Variants in FBN3 observed in about 807,000 individuals in gnomAD.
The protein encoded by FBN3 is fibrillin 3, also known as fibrillin-3.
In FBN3, 234 loss-of-function variants were observed where a neutral mutation model predicts 330.1. The observed-to-expected ratio is 0.71, with a 90% CI of 0.64 to 0.79. The LOEUF (loss-of-function observed/expected upper bound fraction) is 0.79. Among genes scored for constraint, FBN3 ranks in the 30% least tolerant of loss-of-function variants. The pLI is 0.00. For missense variants in FBN3, 3,606 were observed against 3,886.9 expected, an observed-to-expected ratio of 0.93 and a Z score of 1.92; for synonymous variants, 1,458 against 1,517.3, an observed-to-expected ratio of 0.96 and a Z score of 0.91.
intron 10 of FBN3, among the ~76,000 whole-genome samples, chr19:8,137,039 C>CCAACCTGGGGCCTA (rs2083300612): frequency 1.0e-5 from 1 of 99,232 alleles, no homozygotes; most frequent in African/African-American, 4.1e-5. Flanking sequence ...ACTGGCACCT[C>CCAACCTGGGGCCTA]GATCCCTTCA....
intron 62 of FBN3, among the ~76,000 whole-genome samples, chr19:8,072,709 C>A (rs1217135804): frequency 7.4e-6 from 1 of 135,890 alleles, no homozygotes; most frequent in Non-Finnish European, 1.5e-5. Flanking sequence ...CACACTGGGA[C>A]ATGCGCGCGT....
intron 59 of FBN3, among the ~76,000 whole-genome samples, chr19:8,080,195 C>T (rs970028034): frequency 2.0e-5 from 3 of 152,242 alleles, no homozygotes; most frequent in African/African-American, 7.2e-5. Flanking sequence ...GTTTGCCACC[C>T]TTTGGTCTAG....
Position 8,085,485 on chromosome 19 carries a change from G to A in FBN3, c.6965C>T (p.Ala2322Val), listed in dbSNP as rs2081920795. The A allele has an allele frequency of 1.9e-6, 3 of 1,591,450 alleles. No individual in the cohort carries two copies. Among genetic ancestry groups the A allele is most frequent in the African/African-American group, 2.7e-5 (2 of 74,654 alleles). ...LSSSSEAVTR[A>V]ECCCGGGRGW... ...CCGGCCACCCCCACAGCAGCACTCGGCCCTGGTGACAGCCTCACTGCTGCT... is the reference window on the plus strand; with the variant it reads ...CCGGCCACCCCCACAGCAGCACTCGACCCTGGTGACAGCCTCACTGCTGCT... The change falls in exon 56 of 64, where the codon GCC (alanine) becomes GTC (valine). Residue 2322 changes from alanine to valine, a missense_variant. Ala to Val is a moderately conservative substitution (Grantham distance 64, BLOSUM62 0). Coordinates refer to ENST00000600128, the MANE Select transcript of FBN3 (RefSeq NM_032447.5).
At chr19:8,067,217 C>G (rs780591814) in intron 63 of FBN3, among the ~76,000 whole-genome samples, 29 of 151,618 alleles carry the variant, frequency 1.9e-4, no homozygotes, top group Non-Finnish European at 3.8e-4. Flanking sequence ...CCTCTGCCTC[C>G]TGGGTTCAAG....
chr19:8,065,562 C>T lies in FBN3; in HGVS notation c.*357G>A, dbSNP rs1456158600. The T allele has an allele frequency of 4.0e-6, 1 of 251,130 alleles. No individual in the cohort carries two copies. The highest frequency in any genetic ancestry group is 7.5e-6 in the Non-Finnish European group (1 of 132,786). 15.6% of individuals were successfully genotyped at this position (251,130 alleles called of 1,614,324 possible). On this transcript the variant is annotated 3_prime_UTR_variant, in exon 64 of 64. Transcript: ENST00000600128. ...CCACCCCAGTTGCCCATTGCCATGTCCTGCCAACCCCCTGCCCCCCGCCAG... is the reference window on the plus strand; with the variant it reads ...CCACCCCAGTTGCCCATTGCCATGTTCTGCCAACCCCCTGCCCCCCGCCAG...
chr19:8,084,690 G>A (rs1318893111), intron 56 of FBN3, among the ~76,000 whole-genome samples: 1 of 151,384 alleles, frequency 6.6e-6, no homozygotes, highest in African/African-American at 2.4e-5. Context: ...GGATTCAAGG[G>A]ATTCTCCTGC....
chr19:8,112,597 C>T (rs1568412996), intron 30 of FBN3, among the ~76,000 whole-genome samples: 3 of 152,160 alleles, frequency 2.0e-5, no homozygotes, highest in Admixed American at 2.0e-4. Context: ...TTGCAGTGAG[C>T]AGAGGTTGTG....
rs761378745 is a variant in FBN3 at position 8,080,987 on chromosome 19, G to A, written c.7453+16C>T. On this transcript the variant is annotated intron_variant, in intron 59 of 63. Transcript: ENST00000600128. ...GGTCATGGGTCACCTCCCGGTGAGG[G>A]GCAAGGGTCACTCACCGAAGCAGGC... 3 of 1,574,460 alleles carry A rather than the reference G, an allele frequency of 1.9e-6. No homozygotes were observed. In the African/African-American group the frequency reaches 4.1e-5, roughly 21 times the overall value.
In FBN3 at chr19:8,138,473, A is replaced by G. The variant is rs149861063; in HGVS notation, c.957T>C (p.Cys319=). The G allele has an allele frequency of 5.0e-6, 8 of 1,613,458 alleles. No homozygotes were observed. The highest frequency in any genetic ancestry group is 5.9e-6 in the Non-Finnish European group (7 of 1,180,014). ...AGHYTRRQCC[C]DRGRCWAAGP... ...CAGCTGCCCAGCACCTGCCCCTGTC[A>G]CAGCAGCACTGCCTGCGAGTGTAGT... is the stretch of plus-strand genomic sequence containing the variant. The change falls in exon 9 of 64, where the codon TGT becomes TGC. Residue 319 remains cysteine, a synonymous_variant. Coordinates refer to ENST00000600128, the MANE Select transcript of FBN3 (RefSeq NM_032447.5).
At chr19:8,077,603 C>A (rs1599272612) in intron 59 of FBN3, among the ~76,000 whole-genome samples, 1 of 152,160 alleles carries the variant, frequency 6.6e-6, no homozygotes, top group East Asian at 1.9e-4. Context: ...CACGCCCCTG[C>A]GCTCCAGCCT....
intron 63 of FBN3, among the ~76,000 whole-genome samples, chr19:8,067,436 T>C (rs1425086175): frequency 2.6e-5 from 4 of 152,132 alleles, no homozygotes; most frequent in African/African-American, 7.2e-5. Context: ...AAGGCCAGGA[T>C]TTTGAGGTCA....
At position 8,117,275 on chromosome 19, in the gene FBN3, C is replaced by A; in HGVS notation, c.3480G>T (p.Arg1160=). 6.2e-7 allele frequency: 1 copy of A among 1,613,834 alleles called. No homozygotes were observed. The highest frequency in any genetic ancestry group is 8.5e-7 in the Non-Finnish European group (1 of 1,179,940). ...RQGCVDINEC[R]VQNGGCDVHC... is the part of the protein sequence containing the mutation. ...GCACGTCACACCCACCATTCTGGAC[C>A]CGGCATTCGTTGATGTCTGCAGGAT... Residue 1160 remains arginine (R), a synonymous_variant, in exon 28 of 64, where the codon CGG becomes CGT. Coordinates refer to ENST00000600128, the MANE Select transcript of FBN3 (RefSeq NM_032447.5).
In FBN3 at chr19:8,136,411, T is replaced by C; in HGVS notation, c.1322A>G (p.Gln441Arg). Reference sequence around the variant, plus strand: ...ACCAATGCACTCGCCGCGCACGTCCTGGGTGTAGCCCACGTTACACTCGCA... The same window carrying C: ...ACCAATGCACTCGCCGCGCACGTCCCGGGTGTAGCCCACGTTACACTCGCA... ...YRCECNVGYT[Q>R]DVRGECIDVD... is the part of the protein sequence containing the mutation. Residue 441 changes from glutamine to arginine, a missense_variant, in exon 11 of 64, where the codon CAG becomes CGG. Transcript: ENST00000600128. 1 of 1,614,112 alleles carries C rather than the reference T, an allele frequency of 6.2e-7. No individual in the cohort carries two copies. Among genetic ancestry groups the C allele is most frequent in the Non-Finnish European group, 8.5e-7 (1 of 1,180,000 alleles).
rs7247560 is a variant in FBN3, at chr19:8,121,379, G to A, written c.3090C>T (p.Asp1030=). Residue 1030 remains aspartate, a synonymous_variant, in exon 25 of 64, where the codon GAC becomes GAT. Coordinates refer to ENST00000600128, the MANE Select transcript of FBN3 (RefSeq NM_032447.5). This position sits in a 1 kb window ranked among gnomAD's most constrained non-coding sequence, Gnocchi z 4.5. ...AGAGGTCAGGAGAGATGCGACACTC[G>A]TCGATATCTGTGGGGAGAGGGGGCA... The part of the protein sequence containing the change: ...DAQERNCTDI[D]ECRISPDLCG... 22,976 of 1,592,316 alleles carry A rather than the reference G, an allele frequency of 0.014. 204 individuals carry two copies. Among genetic ancestry groups the A allele is most frequent in the Non-Finnish European group, 0.016 (19,320 of 1,172,048 alleles).
intron 28 of FBN3, 109 bp downstream of exon 28, chr19:8,117,060 C>A: frequency 2.0e-6 from 3 of 1,494,026 alleles, no homozygotes; most frequent in Non-Finnish European, 2.7e-6. Flanking sequence ...TGCCTCGGGT[C>A]TGGCTGGCTT....
In FBN3 at chr19:8,145,862, T is replaced by C; in HGVS notation, c.426A>G (p.Thr142=). 1 of 1,551,062 alleles carries C rather than the reference T, an allele frequency of 6.4e-7. No individual in the cohort carries two copies. The highest frequency in any genetic ancestry group is 8.7e-7 in the Non-Finnish European group (1 of 1,146,884). The change falls in exon 5 of 64, where the codon ACA becomes ACG. Residue 142 remains threonine (T), a synonymous_variant. Coordinates refer to ENST00000600128, the MANE Select transcript of FBN3 (RefSeq NM_032447.5). ...GASCLCQKGY[T]GTVCGQPICD... is the part of the protein sequence containing the mutation. ...ACTCACGCTGCCCACACACGGTGCC[T>C]GTGTAGCCCTTCTGACACAGACAGG...
rs145943652 is a variant in FBN3 at position 8,100,938 on chromosome 19, C to T, written c.5124G>A (p.Pro1708=). 2.7e-5 allele frequency: 44 copies of T among 1,613,696 alleles called. No individual in the cohort carries two copies. The highest frequency in any genetic ancestry group is 5.0e-5 in the Admixed American group (3 of 59,954). ...DYQILCGNQA[P]GFLTDIHTGK... is the part of the protein sequence containing the mutation. Reference sequence around the variant, plus strand: ...CCGTGTGGATGTCAGTGAGGAATCCCGGGGCCTGATTTCCACACAGGATCT... The same window carrying T: ...CCGTGTGGATGTCAGTGAGGAATCCTGGGGCCTGATTTCCACACAGGATCT... Residue 1708 remains proline (P), a synonymous_variant, in exon 41 of 64, where the codon CCG becomes CCA. Coordinates refer to ENST00000600128, the MANE Select transcript of FBN3 (RefSeq NM_032447.5).
chr19:8,105,262 T>G (rs567933360), intron 38 of FBN3, among the ~76,000 whole-genome samples: 2 of 137,420 alleles, frequency 1.5e-5, no homozygotes, highest in South Asian at 4.6e-4. Context: ...CTTTTTTTTC[T>G]TTTTTTTTTT....
In FBN3 at chr19:8,106,101, T is replaced by C. The variant is rs1438992112; in HGVS notation, c.4813+7A>G. On this transcript the variant is annotated splice_region_variant and intron_variant, in intron 38 of 63. Coordinates refer to ENST00000600128, the MANE Select transcript of FBN3 (RefSeq NM_032447.5). ...CCTGACCCACCCCAAAGAGAATCCATGCTCACCCTCACAGATGCGGGTGTG... is the reference window on the plus strand; with the variant it reads ...CCTGACCCACCCCAAAGAGAATCCACGCTCACCCTCACAGATGCGGGTGTG... 1.9e-6 allele frequency: 3 copies of C among 1,614,000 alleles called. No homozygotes were observed. Among genetic ancestry groups the C allele is most frequent in the Non-Finnish European group, 2.5e-6 (3 of 1,179,932 alleles).
Sources: gnomAD v4.1 joint callset for allele counts (sites outside exome capture counted in the v4.1 genomes callset) on GRCh38, gnomAD v4.1.1 for gene constraint, Gnocchi (gnomAD v3.1) non-coding constraint, MANE v1.5 for transcripts, NCBI Gene and HGNC (gene_info 2026-07-23, HGNC 2026-07-21) for gene names.